Variants in RAP1GAP2 observed in about 807,000 individuals in gnomAD.
The protein encoded by RAP1GAP2 is rap1 GTPase-activating protein 2.
Under a neutral mutation model 95.0 loss-of-function variants are expected in RAP1GAP2, and 27 were observed. The observed-to-expected ratio is 0.28, with a 90% CI of 0.21 to 0.39. RAP1GAP2 has a LOEUF of 0.39. RAP1GAP2 is among the 10% of genes least tolerant of loss of function. RAP1GAP2 has a pLI of 1.00. For synonymous variants in RAP1GAP2, 373 were observed against 380.9 expected (o/e 0.98, Z 0.24); for missense variants, 771 against 970.0 (o/e 0.79, Z 2.72).
At chr17:2,919,556 G>C (rs2042681122) in intron 3 of RAP1GAP2, among the ~76,000 whole-genome samples, 1 of 152,114 alleles carries the variant, frequency 6.6e-6, no homozygotes, top group South Asian at 2.1e-4. Flanking sequence ...ACGGGAAGTG[G>C]GGGCAGGGCC....
In RAP1GAP2 at chr17:2,905,294, C is replaced by A. The variant is rs766023650; in HGVS notation, c.91C>A (p.Leu31Met). 2 of 1,613,714 alleles carry A rather than the reference C, an allele frequency of 1.2e-6. No homozygotes were observed. The highest frequency in any genetic ancestry group is 1.7e-6 in the Non-Finnish European group (2 of 1,179,716). ...LASLKVKKQE[L>M]ANSSDATLPD... ...TTGGCCTCTTCACAGGAAGCAGGAG[C>A]TGGCCAACAGCTCGGATGCGACCCT... is the stretch of plus-strand genomic sequence containing the variant. The change falls in exon 3 of 25, where the codon CTG becomes ATG. Residue 31 changes from leucine to methionine, a missense_variant. Coordinates refer to ENST00000254695, the MANE Select transcript of RAP1GAP2 (RefSeq NM_015085.5).
intron 3 of RAP1GAP2, among the ~76,000 whole-genome samples, chr17:2,929,690 C>T (rs114144436): frequency 0.016 from 2,382 of 152,272 alleles, 27 homozygotes; most frequent in Middle Eastern, 0.037. Context: ...AGGTTATGCC[C>T]CTGGTAGCGA....
At chr17:3,026,645 G>C (rs2047127603) in intron 21 of RAP1GAP2, among the ~76,000 whole-genome samples, 181 bp downstream of exon 21, 1 of 152,218 alleles carries the variant, frequency 6.6e-6, no homozygotes, top group African/African-American at 2.4e-5. Context: ...TGGGTGAGGG[G>C]ACCTCTCTCT....
chr17:3,026,968 C>T lies in RAP1GAP2; in HGVS notation c.2005C>T (p.Pro669Ser). ...SGGSQPSTTS[P>S]FKQEVFVYSP... Reference sequence around the variant, plus strand: ...GGGCAGCCAGCCGTCCACGACCTCACCCTTCAAGCAGGAGGTGTTTGTCTA... The same window carrying T: ...GGGCAGCCAGCCGTCCACGACCTCATCCTTCAAGCAGGAGGTGTTTGTCTA... Residue 669 changes from proline to serine, a missense_variant, in exon 22 of 25, where the codon CCC becomes TCC. By Grantham distance (74) the Pro-to-Ser change is moderately conservative. Coordinates refer to ENST00000254695, the MANE Select transcript of RAP1GAP2 (RefSeq NM_015085.5). 1 of 1,553,768 alleles carries T rather than the reference C, an allele frequency of 6.4e-7. No individual in the cohort carries two copies. The highest frequency in any genetic ancestry group is 8.7e-7 in the Non-Finnish European group (1 of 1,148,290).
chr17:3,026,392 C>G lies in RAP1GAP2; in HGVS notation c.1908C>G (p.Arg636=). The change falls in exon 21 of 25, where the codon CGC becomes CGG. Residue 636 remains arginine, a synonymous_variant. Transcript: ENST00000254695. ...KLKENGRAIS[R]SSSSTSSVSS... is the part of the protein sequence containing the mutation. ...AGGAAAACGGCCGTGCCATCTCCCG[C>G]TCCTCCTCCAGCACCAGCAGCGTCA... 6.4e-7 allele frequency: 1 copy of G among 1,552,320 alleles called. No homozygotes were observed. The highest frequency in any genetic ancestry group is 1.7e-4 in the Middle Eastern group (1 of 5,992).
intron 3 of RAP1GAP2, among the ~76,000 whole-genome samples, chr17:2,927,193 A>C (rs187295644): frequency 6.7e-6 from 1 of 148,282 alleles, no homozygotes; most frequent in African/African-American, 2.5e-5. Flanking sequence ...TCGCTCTGTC[A>C]CCCAGGCTGG....
intron 2 of RAP1GAP2, among the ~76,000 whole-genome samples, chr17:2,837,403 G>A (rs1230269051): frequency 6.6e-6 from 1 of 151,972 alleles, no homozygotes; most frequent in African/African-American, 2.4e-5. Flanking sequence ...GCTCCCCAGG[G>A]GAGCATCAAG....
chr17:3,011,322 G>T (rs2151622200), intron 17 of RAP1GAP2, among the ~76,000 whole-genome samples: 1 of 152,338 alleles, frequency 6.6e-6, no homozygotes, highest in Admixed American at 6.5e-5. Flanking sequence ...AAGCATGGAG[G>T]CCTGAGCTGG....
intron 2 of RAP1GAP2, among the ~76,000 whole-genome samples, chr17:2,863,050 T>G (rs2072471972): frequency 6.6e-6 from 1 of 150,462 alleles, no homozygotes; most frequent in Non-Finnish European, 1.5e-5. Flanking sequence ...CTTTAGGGAT[T>G]CCACTAAGAG....
intron 11 of RAP1GAP2, among the ~76,000 whole-genome samples, chr17:2,985,484 G>A (rs1253164033): frequency 6.6e-6 from 1 of 152,140 alleles, no homozygotes; most frequent in East Asian, 1.9e-4. Flanking sequence ...CCAGCTGGGT[G>A]CGTCTCTTCA....
chr17:2,852,427 C>A (rs2071896695), intron 2 of RAP1GAP2, among the ~76,000 whole-genome samples: 1 of 152,086 alleles, frequency 6.6e-6, no homozygotes, highest in South Asian at 2.1e-4. Flanking sequence ...GGGCTTCCTC[C>A]CCTCCACCCC....
chr17:2,772,855 C>CT (rs773565092), upstream of RAP1GAP2, among the ~76,000 whole-genome samples: 640 of 126,060 alleles, frequency 5.1e-3, 2 homozygotes, highest in Middle Eastern at 0.013. Context: ...TTCTTTCTTT[C>CT]TTTTTTTTTT....
At chr17:2,795,466 A>G (rs2069047853), upstream of RAP1GAP2, among the ~76,000 whole-genome samples, 1 of 152,174 alleles carries the variant, frequency 6.6e-6, no homozygotes, top group Non-Finnish European at 1.5e-5. Context: ...GCATGCAGAG[A>G]TGAGGACGAA....
In RAP1GAP2 at chr17:2,797,552, G is replaced by A; in HGVS notation, c.44+981G>A. 7.0e-6 allele frequency: 2 copies of A among 286,958 alleles called. No homozygotes were observed. The highest frequency in any genetic ancestry group is 1.0e-5 in the Non-Finnish European group (2 of 191,700). 17.8% of individuals were successfully genotyped at this position (286,958 alleles called of 1,614,324 possible). ...GACTAATGGGGGTGGCACGAAGGGC[G>A]AGGGGGAGAGGGGCTGTGTTCCTCG... On this transcript the variant is annotated intron_variant, in intron 1 of 24. Coordinates refer to ENST00000254695, the MANE Select transcript of RAP1GAP2 (RefSeq NM_015085.5). This position sits in a 1 kb window ranked among gnomAD's most constrained non-coding sequence, Gnocchi z 5.6.
chr17:2,819,585 T>C (rs950229127), intron 2 of RAP1GAP2, among the ~76,000 whole-genome samples: 3 of 151,918 alleles, frequency 2.0e-5, no homozygotes, highest in Non-Finnish European at 4.4e-5. Flanking sequence ...GCGACTCTCC[T>C]GCCTCAGCCT....
intron 2 of RAP1GAP2, among the ~76,000 whole-genome samples, chr17:2,878,716 C>G (rs2073178838): frequency 6.6e-6 from 1 of 152,226 alleles, no homozygotes; most frequent in Non-Finnish European, 1.5e-5. Flanking sequence ...AACCCTGGCT[C>G]TCTGCTTCTG....
Position 2,882,119 on chromosome 17 carries a change from C to CTTTT in RAP1GAP2, c.81-23149_81-23146dup, listed in dbSNP as rs1182195871. 2.0e-4 allele frequency among the ~76,000 whole-genome samples: 27 copies of CTTTT among 131,810 alleles called. 1 individual carries two copies. Among genetic ancestry groups the CTTTT allele is most frequent in the Middle Eastern group, 4.4e-3 (1 of 228 alleles). The allele number at this position is 131,810 out of a possible 152,430, so 86.5% of individuals were successfully genotyped here. Reference sequence around the variant, plus strand: ...ACAGGCATGAGCCACTGTGCCTGGCCTTTTTTTTTTTTTTTTTTTAATTTT... The same window carrying CTTTT: ...ACAGGCATGAGCCACTGTGCCTGGCCTTTTTTTTTTTTTTTTTTTTTTTAATTTT... On this transcript the variant is annotated intron_variant, in intron 2 of 24. Coordinates refer to ENST00000254695, the MANE Select transcript of RAP1GAP2 (RefSeq NM_015085.5).
At chr17:2,835,210 C>T (rs2071079152) in intron 2 of RAP1GAP2, among the ~76,000 whole-genome samples, 3 of 149,750 alleles carry the variant, frequency 2.0e-5, no homozygotes, top group Admixed American at 6.7e-5. Context: ...GCATGAGCCA[C>T]TGCACTCTGC....
At chr17:2,956,893 C>A (rs539073412) in intron 3 of RAP1GAP2, among the ~76,000 whole-genome samples, 1 of 152,168 alleles carries the variant, frequency 6.6e-6, no homozygotes, top group South Asian at 2.1e-4. Flanking sequence ...CTTTGGGAGG[C>A]CAAGGCGGGA....
Sources: allele counts gnomAD v4.1 joint callset (sites outside exome capture counted in the v4.1 genomes callset), GRCh38; gene constraint gnomAD v4.1.1; non-coding constraint Gnocchi (gnomAD v3.1); transcripts MANE v1.5; gene names NCBI Gene and HGNC (gene_info 2026-07-23, HGNC 2026-07-21).